Variants in CEP250 observed in about 807,000 individuals in gnomAD.
CEP250 encodes centrosomal protein 250.
A neutral mutation model predicts 315.7 loss-of-function variants in CEP250; 242 were observed. The ratio of observed to expected loss-of-function variants is 0.77; its 90% CI spans 0.69 to 0.85. CEP250 has a LOEUF of 0.85. Ranked by LOEUF, CEP250 falls within the 40% of genes least tolerant of loss-of-function variation. CEP250 has a pLI of 0.00. For missense variants in CEP250, 2,515 were observed against 2,886.4 expected (o/e 0.87, Z 2.95); for synonymous variants, 1,088 against 1,175.0 (o/e 0.93, Z 1.51).
At chr20:35,483,675 T>A (rs2146943135) in intron 20 of CEP250, among the ~76,000 whole-genome samples, 1 of 152,164 alleles carries the variant, frequency 6.6e-6, no homozygotes, top group South Asian at 2.1e-4. Flanking sequence ...CTGGCTCTTT[T>A]CCTACTTTCT....
chr20:35,491,497 G>T, intron 22 of CEP250, 151 bp downstream of exon 22: 1 of 894,192 alleles, frequency 1.1e-6, no homozygotes, highest in Non-Finnish European at 1.7e-6. Flanking sequence ...GGCTGGGCAG[G>T]GTAGATCACG....
At chr20:35,499,394 C>T (rs1415721620) in intron 27 of CEP250, among the ~76,000 whole-genome samples, 1 of 152,156 alleles carries the variant, frequency 6.6e-6, no homozygotes, top group Non-Finnish European at 1.5e-5. Context: ...AATCAGTGAC[C>T]ACTGAGATTT....
rs568184182 is a variant in CEP250 at position 35,508,137 on chromosome 20, G to T, written c.6853G>T (p.Asp2285Tyr). Residue 2285 changes from aspartate to tyrosine, a missense_variant, in exon 32 of 35, where the codon GAC becomes TAC. By Grantham distance (160) the Asp-to-Tyr change is radical. Transcript: ENST00000397527. ...GCAAGCAGTGGCCCGGCTGGAGATT[G>T]ACAGGAGCAGGCTGCAGCGCCACAA... ...LQQAVARLEI[D>Y]RSRLQRHNVQ... 1.9e-6 allele frequency: 3 copies of T among 1,614,102 alleles called. No individual in the cohort carries two copies. In the African/African-American group the frequency reaches 4.0e-5, roughly 22 times the overall value.
At position 35,479,222 on chromosome 20, in the gene CEP250, T is replaced by G. The variant is rs757935896; in HGVS notation, c.2095-9T>G. On this transcript the variant is annotated splice_polypyrimidine_tract_variant and intron_variant, in intron 17 of 34. Coordinates refer to ENST00000397527, the MANE Select transcript of CEP250 (RefSeq NM_007186.6). ...TCTGCTCCATCTCTCACCACATTCT[T>G]CCCCTCAGTCACGTCACCAGCAGGA... 6.2e-7 allele frequency: 1 copy of G among 1,612,284 alleles called. No individual in the cohort carries two copies. The highest frequency in any genetic ancestry group is 1.3e-5 in the African/African-American group (1 of 74,988).
At chr20:35,495,722 C>T (rs1333316616) in intron 24 of CEP250, among the ~76,000 whole-genome samples, 1 of 152,028 alleles carries the variant, frequency 6.6e-6, no homozygotes, top group Non-Finnish European at 1.5e-5. Flanking sequence ...TGCACTCCAG[C>T]CTCGGTGACA....
chr20:35,492,813 C>T (rs1046647703), intron 22 of CEP250, among the ~76,000 whole-genome samples: 1 of 152,158 alleles, frequency 6.6e-6, no homozygotes, highest in Non-Finnish European at 1.5e-5. Context: ...CTGCAACCTT[C>T]GCCTCCCAGG....
intron 15 of CEP250, 48 bp downstream of exon 15, chr20:35,475,694 G>A (rs1484352454): frequency 6.3e-7 from 1 of 1,597,772 alleles, no homozygotes; most frequent in Non-Finnish European, 8.5e-7. Context: ...CTTCGAAAGT[G>A]TGTTCCCATG....
rs370536737 is a variant in CEP250, at chr20:35,504,089, A to C, written c.5720A>C (p.Gln1907Pro). ...CAGGAGAAAGCTCTGTTGGCCCTCCAGCAGCAGTGTGCTGAGCAGGCACAG... is the reference window on the plus strand; with the variant it reads ...CAGGAGAAAGCTCTGTTGGCCCTCCCGCAGCAGTGTGCTGAGCAGGCACAG... ...REQEKALLAL[Q>P]QQCAEQAQEH... is the part of the protein sequence containing the mutation. The change falls in exon 30 of 35, where the codon CAG (glutamine) becomes CCG (proline). Residue 1907 changes from glutamine to proline, a missense_variant. Physicochemically the swap from Gln to Pro is moderately conservative, Grantham distance 76. Coordinates refer to ENST00000397527, the MANE Select transcript of CEP250 (RefSeq NM_007186.6). The C allele has an allele frequency of 6.2e-7, 1 of 1,609,680 alleles. No homozygotes were observed. The highest frequency in any genetic ancestry group is 8.5e-7 in the Non-Finnish European group (1 of 1,177,318).
At chr20:35,471,912 A>G (rs2063032187) in intron 10 of CEP250, 138 bp from the exon 11 acceptor site, 4 of 639,662 alleles carry the variant, frequency 6.3e-6, no homozygotes, top group South Asian at 5.5e-5. Context: ...TTCAGACAAC[A>G]TTAGCATTGA....
chr20:35,505,063 A>C, intron 30 of CEP250, 58 bp downstream of exon 30: 15 of 1,448,064 alleles, frequency 1.0e-5, no homozygotes, highest in South Asian at 1.4e-5. Context: ...GGCTGAGCTC[A>C]GGGACTGCCC....
chr20:35,499,318 T>G (rs1411055158), intron 27 of CEP250, among the ~76,000 whole-genome samples: 1 of 152,202 alleles, frequency 6.6e-6, no homozygotes, highest in Non-Finnish European at 1.5e-5. Context: ...TGGCATTGTT[T>G]TCCATCATCT....
In CEP250 at chr20:35,517,086, T is replaced by A; in HGVS notation, c.*5460T>A. 1 of 940,676 alleles carries A rather than the reference T, an allele frequency of 1.1e-6. No individual in the cohort carries two copies. Among genetic ancestry groups the A allele is most frequent in the Non-Finnish European group, 1.3e-6 (1 of 789,152 alleles). 58.3% of individuals were successfully genotyped at this position (940,676 alleles called of 1,614,324 possible). ...CATTCCCCTCTCCTGTTGGCCTCCA[T>A]CCCTTCCTCAACCGTCCGCAGAACA... On this transcript the variant is annotated 3_prime_UTR_variant, in exon 35 of 35. Transcript: ENST00000397527.
In CEP250 at chr20:35,460,938, G is replaced by T. The variant is rs1377102838; in HGVS notation, c.-104+833G>T. 2.6e-5 allele frequency among the ~76,000 whole-genome samples: 4 copies of T among 152,286 alleles called. No individual in the cohort carries two copies. In the East Asian group the frequency reaches 7.7e-4, roughly 29 times the overall value. ...ATGGATTAGCAGAGAAAATAGACAA[G>T]TAATGATGATAAGATGTAGAGTAGA... On this transcript the variant is annotated intron_variant, in intron 3 of 34. Transcript: ENST00000397527.
At chr20:35,499,723 A>G (rs1217596154) in intron 27 of CEP250, among the ~76,000 whole-genome samples, 1 of 152,216 alleles carries the variant, frequency 6.6e-6, no homozygotes, top group Admixed American at 6.5e-5. Context: ...AGGAAAGAAG[A>G]GATGACCTTT....
At position 35,502,529 on chromosome 20, in the gene CEP250, C is replaced by T. The variant is rs766995335; in HGVS notation, c.4160C>T (p.Ala1387Val). 1.9e-6 allele frequency: 3 copies of T among 1,614,060 alleles called. No homozygotes were observed. Among genetic ancestry groups the T allele is most frequent in the Non-Finnish European group, 2.5e-6 (3 of 1,179,992 alleles). ...GAAGACCTGAGAACGGCTCGCTCAG[C>T]ACTGAAGCTGAAAAATGAGGAAGTA... Reference protein sequence around the residue: ...LEEDLRTARSALKLKNEEVES... With the variant: ...LEEDLRTARSVLKLKNEEVES... Residue 1387 changes from alanine to valine, a missense_variant, in exon 30 of 35, where the codon GCA (alanine) becomes GTA (valine). By Grantham distance (64) the Ala-to-Val change is moderately conservative (BLOSUM62 0). Transcript: ENST00000397527.
Position 35,467,039 on chromosome 20 carries a change from G to A in CEP250, c.566G>A (p.Arg189His), listed in dbSNP as rs138289150. The A allele has an allele frequency of 6.4e-5, 103 of 1,613,680 alleles. No homozygotes were observed. Among genetic ancestry groups the A allele is most frequent in the Non-Finnish European group, 7.8e-5 (92 of 1,179,796 alleles). Reference protein sequence around the residue: ...SLWREVVTFRRHFLEMKSATD... With the variant: ...SLWREVVTFRHHFLEMKSATD... ...TGGCGGGAGGTTGTGACATTCCGAC[G>A]CCACTTCCTGGAAATGAAGTCAGCT... The change falls in exon 8 of 35, where the codon CGC becomes CAC. Residue 189 changes from arginine (R) to histidine (H), a missense_variant. By Grantham distance (29) the Arg-to-His change is conservative (BLOSUM62 0). Transcript: ENST00000397527.
In CEP250 at chr20:35,517,217, T is replaced by C. The variant is rs2064444160; in HGVS notation, c.*5591T>C. 1 of 156,608 alleles carries C rather than the reference T, an allele frequency of 6.4e-6. No homozygotes were observed. The highest frequency in any genetic ancestry group is 6.5e-5 in the Admixed American group (1 of 15,282). The allele number at this position is 156,608 out of a possible 1,614,324, so 9.7% of individuals were successfully genotyped here. On this transcript the variant is annotated 3_prime_UTR_variant, in exon 35 of 35. Transcript: ENST00000397527. ...AGCTAAGAGGAGAGGTGGCATTCAATGTGTCCTGTGTCCTCCCTGGGGTTG... is the reference window on the plus strand; with the variant it reads ...AGCTAAGAGGAGAGGTGGCATTCAACGTGTCCTGTGTCCTCCCTGGGGTTG...
rs1472212042 is a variant in CEP250, at chr20:35,501,933, G to T, written c.3987G>T (p.Leu1329=). 6.2e-7 allele frequency: 1 copy of T among 1,613,304 alleles called. No individual in the cohort carries two copies. Among genetic ancestry groups the T allele is most frequent in the African/African-American group, 1.3e-5 (1 of 74,946 alleles). The change falls in exon 29 of 35, where the codon CTG becomes CTT. Residue 1329 remains leucine, a synonymous_variant. Transcript: ENST00000397527. ...CTATGGCATCCTTACAGAGTCGCCT[G>T]CGGAGAGCAGAGCTACAGCGAATGG... ...HETMASLQSR[L]RRAELQRMEA...
chr20:35,509,114 A>G lies in CEP250; in HGVS notation c.7008+70A>G, dbSNP rs2064282218. 13 of 1,282,432 alleles carry G rather than the reference A, an allele frequency of 1.0e-5. No individual in the cohort carries two copies. The East Asian group carries it at 2.8e-4, about 27-fold the overall frequency. 79.4% of individuals were successfully genotyped at this position (1,282,432 alleles called of 1,614,324 possible). ...AGCCACCAGAAACTCAGCCCTCCTCATTGCATATCCCGGGCCAACAGCACT... is the reference window on the plus strand; with the variant it reads ...AGCCACCAGAAACTCAGCCCTCCTCGTTGCATATCCCGGGCCAACAGCACT... On this transcript the variant is annotated intron_variant, in intron 33 of 34. Coordinates refer to ENST00000397527, the MANE Select transcript of CEP250 (RefSeq NM_007186.6).
Sources: gnomAD v4.1 joint callset for allele counts (sites outside exome capture counted in the v4.1 genomes callset) on GRCh38, gnomAD v4.1.1 for gene constraint, MANE v1.5 for transcripts, NCBI Gene and HGNC (gene_info 2026-07-23, HGNC 2026-07-21) for gene names.